CHST8: variants seen among roughly 807,000 people sequenced by gnomAD.
CHST8 encodes the protein GALNAC-4-ST1.
In CHST8, 10 loss-of-function variants were observed where a neutral mutation model predicts 15.0. That is an observed-to-expected ratio of 0.67 (90% CI 0.41 to 1.13). The LOEUF is 1.13. Ranked by LOEUF, CHST8 falls within the 50% of genes most tolerant of loss-of-function variation. The pLI is 0.00. For missense variants in CHST8, 634 were observed against 608.2 expected (o/e 1.04, Z -0.45); for synonymous variants, 259 against 256.6 (o/e 1.01, Z -0.09).
chr19:33,739,642 T>G (rs779889117), intron 3 of CHST8, among the ~76,000 whole-genome samples: 4 of 152,232 alleles, frequency 2.6e-5, no homozygotes, highest in Admixed American at 6.5e-5. Context: ...TCTGCTTGTG[T>G]GTTGAATGGA....
At chr19:33,624,789 C>T (rs772726522) in intron 1 of CHST8, among the ~76,000 whole-genome samples, 1 of 152,144 alleles carries the variant, frequency 6.6e-6, no homozygotes, top group Non-Finnish European at 1.5e-5. Context: ...GGAAGGGGAG[C>T]TTTGATCATT....
At chr19:33,743,937 A>G (rs1599610335) in intron 3 of CHST8, among the ~76,000 whole-genome samples, 1 of 151,770 alleles carries the variant, frequency 6.6e-6, no homozygotes, top group African/African-American at 2.4e-5. Flanking sequence ...GATTACAGGC[A>G]CCTGCCACCA....
At position 33,772,577 on chromosome 19, in the gene CHST8, G is replaced by T. The variant is rs757945323; in HGVS notation, c.789G>T (p.Arg263Ser). ...KMLFVREPFE[R>S]LVSAFRDKFE... Reference sequence around the variant, plus strand: ...TCTTTGTCCGCGAGCCCTTCGAGAGGCTGGTGTCCGCCTTCCGCGACAAGT... The same window carrying T: ...TCTTTGTCCGCGAGCCCTTCGAGAGTCTGGTGTCCGCCTTCCGCGACAAGT... The change falls in exon 5 of 5, where the codon AGG becomes AGT. Residue 263 changes from arginine to serine, a missense_variant. Physicochemically the swap from Arg to Ser is moderately radical, Grantham distance 110. Coordinates refer to ENST00000650847, the MANE Select transcript of CHST8 (RefSeq NM_001127895.2). 1 of 1,613,914 alleles carries T rather than the reference G, an allele frequency of 6.2e-7. No individual in the cohort carries two copies. Among genetic ancestry groups the T allele is most frequent in the Non-Finnish European group, 8.5e-7 (1 of 1,180,054 alleles).
At position 33,660,189 on chromosome 19, in the gene CHST8, C is replaced by T. The variant is rs1254963816; in HGVS notation, c.-163-7578C>T. On this transcript the variant is annotated intron_variant, in intron 1 of 4. Coordinates refer to ENST00000650847, the MANE Select transcript of CHST8 (RefSeq NM_001127895.2). Reference sequence around the variant, plus strand: ...TTTGGTGGAAATTTGGGAGGGAGAGCGATTCAATCAATGATGCTAGTTGCC... The same window carrying T: ...TTTGGTGGAAATTTGGGAGGGAGAGTGATTCAATCAATGATGCTAGTTGCC... Among the ~76,000 whole-genome samples the T allele has an allele frequency of 3.3e-5, 5 of 152,114 alleles. No individual in the cohort carries two copies. The South Asian group carries it at 6.2e-4, about 19-fold the overall frequency.
intron 2 of CHST8, among the ~76,000 whole-genome samples, chr19:33,680,994 T>C (rs1972879912): frequency 6.6e-6 from 1 of 152,208 alleles, no homozygotes; most frequent in Non-Finnish European, 1.5e-5. Flanking sequence ...TTGTAACGGT[T>C]TGCAAAACCG....
At chr19:33,705,460 A>C (rs751639950) in intron 3 of CHST8, among the ~76,000 whole-genome samples, 29 of 152,184 alleles carry the variant, frequency 1.9e-4, no homozygotes, top group Admixed American at 1.9e-3. Flanking sequence ...AGCGCACCTA[A>C]TTAAAACCTC....
At position 33,678,542 on chromosome 19, in the gene CHST8, G is replaced by T. The variant is rs548263016; in HGVS notation, c.-86-10634G>T. On this transcript the variant is annotated intron_variant, in intron 2 of 4. Coordinates refer to ENST00000650847, the MANE Select transcript of CHST8 (RefSeq NM_001127895.2). ...GGATTACTGGAGGCCAGGAGTTTCA[G>T]ACCAGCCTGGGCAACATAGTGAGAC... 1.9e-3 allele frequency among the ~76,000 whole-genome samples: 288 copies of T among 152,166 alleles called. 1 individual carries two copies. Among genetic ancestry groups the T allele is most frequent in the African/African-American group, 6.5e-3 (270 of 41,530 alleles).
intron 3 of CHST8, among the ~76,000 whole-genome samples, chr19:33,751,163 G>T (rs895558669): frequency 3.3e-5 from 5 of 152,168 alleles, no homozygotes; most frequent in African/African-American, 1.2e-4. Context: ...GGGATGGCGG[G>T]GCAGGGTGCC....
At chr19:33,630,531 C>T (rs1214793236) in intron 1 of CHST8, among the ~76,000 whole-genome samples, 2 of 151,596 alleles carry the variant, frequency 1.3e-5, no homozygotes, top group Non-Finnish European at 2.9e-5. Flanking sequence ...AGTCTGTCCA[C>T]ACTGGTGGGG....
At chr19:33,757,605 A>AAGAAAGAAAGAAAGAAAGAAAGG (rs1365725815) in intron 3 of CHST8, among the ~76,000 whole-genome samples, 1 of 112,922 alleles carries the variant, frequency 8.9e-6, no homozygotes, top group African/African-American at 3.7e-5. Flanking sequence ...AGAAAGAAAG[A>AAGAAAGAAAGAAAGAAAGAAAGG]GCCGGCCATT....
chr19:33,627,337 C>T (rs2145432674), intron 1 of CHST8, among the ~76,000 whole-genome samples: 1 of 151,536 alleles, frequency 6.6e-6, no homozygotes, highest in Middle Eastern at 3.5e-3. Context: ...GTCTCGAACT[C>T]CTGACCTCAA....
intron 3 of CHST8, among the ~76,000 whole-genome samples, chr19:33,720,478 TACAC>T (rs1973767058): frequency 6.6e-6 from 1 of 151,562 alleles, no homozygotes; most frequent in African/African-American, 2.4e-5. Flanking sequence ...GCACCACACA[TACAC>T]ACTGCACACC....
intron 1 of CHST8, among the ~76,000 whole-genome samples, chr19:33,627,063 T>G (rs930047747): frequency 1.5e-5 from 2 of 130,404 alleles, no homozygotes; most frequent in African/African-American, 2.9e-5. Flanking sequence ...GTGCTGGGAT[T>G]GCAGATGTGA....
intron 3 of CHST8, among the ~76,000 whole-genome samples, chr19:33,763,868 G>A (rs541625314): frequency 4.6e-5 from 7 of 152,158 alleles, no homozygotes; most frequent in Admixed American, 1.3e-4. Context: ...AGCCTGAGCC[G>A]GTGGGAGAGG....
chr19:33,771,576 C>T (rs1974983800), intron 4 of CHST8, 126 bp downstream of exon 4: 1 of 983,898 alleles, frequency 1.0e-6, no homozygotes, highest in South Asian at 1.4e-5. Flanking sequence ...CAGCCTTTCC[C>T]AGGAGCCTTG....
intron 1 of CHST8, among the ~76,000 whole-genome samples, chr19:33,640,859 C>G (rs1972274676): frequency 6.6e-6 from 1 of 152,124 alleles, no homozygotes; most frequent in Admixed American, 6.5e-5. Context: ...CTGCTCTGCC[C>G]AGGTGTGGGG....
At chr19:33,683,683 A>C (rs1972928234) in intron 2 of CHST8, among the ~76,000 whole-genome samples, 1 of 152,226 alleles carries the variant, frequency 6.6e-6, no homozygotes, top group Non-Finnish European at 1.5e-5. Flanking sequence ...TTCAACGTGC[A>C]GCAGAGGCTA....
At position 33,754,117 on chromosome 19, in the gene CHST8, CCT is replaced by C. The variant is rs1383847185; in HGVS notation, c.131-17293_131-17292del. 2.4e-5 allele frequency among the ~76,000 whole-genome samples: 3 copies of C among 125,500 alleles called. No individual in the cohort carries two copies. In the Admixed American group the frequency reaches 2.6e-4, roughly 11 times the overall value. 82.3% of individuals were successfully genotyped at this position (125,500 alleles called of 152,430 possible). ...CATCCCCACACCATCTCCCCACTAC[CCT>C]CTGTGTACCATCCTACCTGACATCA... On this transcript the variant is annotated intron_variant, in intron 3 of 4. Coordinates refer to ENST00000650847, the MANE Select transcript of CHST8 (RefSeq NM_001127895.2).
At chr19:33,751,459 C>T (rs1974419193) in intron 3 of CHST8, among the ~76,000 whole-genome samples, 1 of 152,234 alleles carries the variant, frequency 6.6e-6, no homozygotes, top group Admixed American at 6.5e-5. Flanking sequence ...AAGTCACCTT[C>T]TGCCCTCAAG....
Sources: allele counts gnomAD v4.1 joint callset (sites outside exome capture counted in the v4.1 genomes callset), GRCh38; gene constraint gnomAD v4.1.1; transcripts MANE v1.5; gene names NCBI Gene and HGNC (gene_info 2026-07-23, HGNC 2026-07-21).